CLTCL1: variants seen among roughly 807,000 people sequenced by gnomAD.
CLTCL1 encodes clathrin heavy chain like 1, also known as clathrin heavy chain 2.
A neutral mutation model predicts 190.0 loss-of-function variants in CLTCL1; 159 were observed. That is an observed-to-expected ratio of 0.84 (90% CI 0.74 to 0.95). The LOEUF (loss-of-function observed/expected upper bound fraction) is 0.95. Among genes scored for constraint, CLTCL1 ranks in the 40% least tolerant of loss-of-function variants. CLTCL1 has a pLI of 0.00. For synonymous variants in CLTCL1, 752 were observed against 769.6 expected, an observed-to-expected ratio of 0.98 and a Z score of 0.38; for missense variants, 1,878 against 2,033.4, an observed-to-expected ratio of 0.92 and a Z score of 1.47.
intron 2 of CLTCL1, among the ~76,000 whole-genome samples, chr22:19,270,510 A>G (rs2087275988): frequency 6.6e-6 from 1 of 151,810 alleles, no homozygotes; most frequent in South Asian, 2.1e-4. Flanking sequence ...GGTGGATCAC[A>G]AAGTCAAGAG....
At chr22:19,203,840 C>T (rs773736508) in intron 22 of CLTCL1, among the ~76,000 whole-genome samples, 1 of 152,172 alleles carries the variant, frequency 6.6e-6, no homozygotes, top group Non-Finnish European at 1.5e-5. Context: ...AGTCCTGATG[C>T]CCCCAGGCAG....
intron 3 of CLTCL1, 52 bp from the exon 4 acceptor site, chr22:19,242,988 G>T: frequency 6.7e-7 from 1 of 1,489,828 alleles, no homozygotes; most frequent in South Asian, 1.2e-5. Flanking sequence ...GGAATATAAA[G>T]AAACAATTCT....
intron 2 of CLTCL1, among the ~76,000 whole-genome samples, chr22:19,262,809 T>C (rs1347975822): frequency 6.6e-6 from 1 of 151,900 alleles, no homozygotes; most frequent in African/African-American, 2.4e-5. Flanking sequence ...GGCCGGCAGA[T>C]CACTTGAGGT....
At chr22:19,221,842 T>C (rs1040774058) in intron 16 of CLTCL1, 109 bp downstream of exon 16, 16 of 1,240,402 alleles carry the variant, frequency 1.3e-5, no homozygotes, top group Admixed American at 1.1e-4. Flanking sequence ...ACATCTAAGA[T>C]GTGTACATGA....
intron 3 of CLTCL1, among the ~76,000 whole-genome samples, chr22:19,250,921 CT>C (rs1419235953): frequency 9.2e-5 from 14 of 152,226 alleles, no homozygotes; most frequent in Admixed American, 9.2e-4. Context: ...AGTACTCCAA[CT>C]TTTTATTTGT....
chr22:19,234,474 C>T (rs2086015023), intron 7 of CLTCL1, 35 bp downstream of exon 7: 2 of 1,556,304 alleles, frequency 1.3e-6, no homozygotes, highest in Non-Finnish European at 1.7e-6. Context: ...GTTCTTAACA[C>T]TCAGAACACT....
chr22:19,225,666 G>T (rs782036481), intron 12 of CLTCL1, 33 bp from the exon 13 acceptor site: 8 of 1,519,960 alleles, frequency 5.3e-6, no homozygotes, highest in Admixed American at 4.1e-5. Context: ...CCACAACGAT[G>T]CACCACTCTA....
chr22:19,245,397 T>C (rs550417516), intron 3 of CLTCL1, among the ~76,000 whole-genome samples: 49 of 152,118 alleles, frequency 3.2e-4, no homozygotes, highest in African/African-American at 1.1e-3. Context: ...TTTCAGTATG[T>C]TGGCCTGGCT....
intron 1 of CLTCL1, among the ~76,000 whole-genome samples, chr22:19,291,178 C>A (rs968651911): frequency 2.6e-5 from 4 of 152,228 alleles, no homozygotes; most frequent in Admixed American, 2.0e-4. Flanking sequence ...CAGGCGAAGC[C>A]GCCCTGGGGA....
intron 3 of CLTCL1, among the ~76,000 whole-genome samples, chr22:19,246,962 C>T (rs147203509): frequency 6.6e-6 from 1 of 152,230 alleles, no homozygotes; most frequent in East Asian, 1.9e-4. Flanking sequence ...ACTTTATTGG[C>T]AATATCCTTT....
At chr22:19,275,365 C>T (rs141690129) in intron 2 of CLTCL1, among the ~76,000 whole-genome samples, 86 of 151,534 alleles carry the variant, frequency 5.7e-4, no homozygotes, top group African/African-American at 1.7e-3. Flanking sequence ...CGTTCCTAGT[C>T]GCATGAAGAC....
intron 2 of CLTCL1, among the ~76,000 whole-genome samples, chr22:19,268,333 A>C (rs2518840): frequency 0.39 from 58,960 of 152,002 alleles, 12,354 homozygotes; most frequent in South Asian, 0.56. Context: ...TCTATTCTTT[A>C]TAGATTTCCC....
At chr22:19,256,513 C>G (rs922621280) in intron 2 of CLTCL1, among the ~76,000 whole-genome samples, 1 of 151,822 alleles carries the variant, frequency 6.6e-6, no homozygotes, top group Non-Finnish European at 1.5e-5. Flanking sequence ...CATGCCATCA[C>G]GCCCACCTAA....
intron 1 of CLTCL1, among the ~76,000 whole-genome samples, chr22:19,285,569 T>A (rs2087877815): frequency 6.6e-6 from 1 of 152,228 alleles, no homozygotes; most frequent in Non-Finnish European, 1.5e-5. Context: ...TCAAGATATA[T>A]CCGATTCTAA....
At chr22:19,214,508 T>C (rs1359151137) in intron 19 of CLTCL1, among the ~76,000 whole-genome samples, 1 of 152,156 alleles carries the variant, frequency 6.6e-6, no homozygotes, top group Non-Finnish European at 1.5e-5. Context: ...TCCCCGCATT[T>C]GTAGCTTCTC....
chr22:19,187,958 A>G (rs782285359), intron 28 of CLTCL1, 23 bp downstream of exon 28: 10 of 1,593,364 alleles, frequency 6.3e-6, no homozygotes, highest in East Asian at 2.2e-5. Context: ...CACCCAGGAC[A>G]GGGCTCCTTC....
intron 12 of CLTCL1, 86 bp downstream of exon 12, chr22:19,226,133 A>G (rs1269698292): frequency 2.1e-6 from 3 of 1,449,268 alleles, no homozygotes; most frequent in African/African-American, 1.4e-5. Context: ...CAGTTCCACA[A>G]TCACCAACAG....
intron 1 of CLTCL1, among the ~76,000 whole-genome samples, chr22:19,280,316 G>A (rs1269549237): frequency 6.6e-6 from 1 of 151,834 alleles, no homozygotes; most frequent in Non-Finnish European, 1.5e-5. Context: ...CAAGATACTG[G>A]ATGATACTGA....
chr22:19,257,044 A>T (rs1376510640), intron 2 of CLTCL1, among the ~76,000 whole-genome samples: 1 of 152,220 alleles, frequency 6.6e-6, no homozygotes, highest in Non-Finnish European at 1.5e-5. Flanking sequence ...AAGTGCCTCA[A>T]AAAACTCAAT....
Sources: gnomAD v4.1 joint callset for allele counts (sites outside exome capture counted in the v4.1 genomes callset) on GRCh38, gnomAD v4.1.1 for gene constraint, MANE v1.5 for transcripts, NCBI Gene and HGNC (gene_info 2026-07-23, HGNC 2026-07-21) for gene names.